Variants in GAS7 observed in about 807,000 individuals in gnomAD.
GAS7 encodes growth arrest-specific protein 7.
Under a neutral mutation model 71.1 loss-of-function variants are expected in GAS7, and 28 were observed. The ratio of observed to expected loss-of-function variants is 0.39; its 90% CI spans 0.29 to 0.54. The LOEUF (loss-of-function observed/expected upper bound fraction) is 0.54. Ranked by LOEUF, GAS7 falls within the 20% of genes least tolerant of loss-of-function variation. The pLI is 0.62. For missense variants in GAS7, 436 were observed against 627.8 expected (o/e 0.69, Z 3.27); for synonymous variants, 258 against 245.8 (o/e 1.05, Z -0.46).
At chr17:10,157,971 G>A (rs2074217494) in intron 1 of GAS7, among the ~76,000 whole-genome samples, 1 of 152,156 alleles carries the variant, frequency 6.6e-6, no homozygotes, top group Non-Finnish European at 1.5e-5. Flanking sequence ...TCGTACCACT[G>A]CGCTCCAGCC....
intron 1 of GAS7, among the ~76,000 whole-genome samples, chr17:10,136,601 GTTATCA>G (rs1355761593): frequency 6.6e-6 from 1 of 152,148 alleles, no homozygotes; most frequent in Non-Finnish European, 1.5e-5. Flanking sequence ...CATCTCCACT[GTTATCA>G]TCCCAGACTG....
At chr17:9,952,990 A>G (rs2069081774) in intron 5 of GAS7, among the ~76,000 whole-genome samples, 1 of 152,148 alleles carries the variant, frequency 6.6e-6, no homozygotes, top group African/African-American at 2.4e-5. Flanking sequence ...CAATCCCATT[A>G]CTGGGTATAT....
chr17:9,963,818 T>C, intron 4 of GAS7, among the ~76,000 whole-genome samples: 1 of 152,318 alleles, frequency 6.6e-6, no homozygotes, highest in Non-Finnish European at 1.5e-5. Context: ...ATTGAATTAA[T>C]GTTTTCTTAA....
chr17:10,094,453 ATTTCTT>A (rs908538442), intron 1 of GAS7, among the ~76,000 whole-genome samples: 16 of 152,010 alleles, frequency 1.1e-4, no homozygotes, highest in South Asian at 2.1e-4. Flanking sequence ...CTCTCTGGAT[ATTTCTT>A]TTTCTTTTTC....
chr17:9,929,047 C>A (rs148667398), intron 9 of GAS7, among the ~76,000 whole-genome samples: 2 of 152,150 alleles, frequency 1.3e-5, no homozygotes, highest in African/African-American at 4.8e-5. Context: ...CCCCACCTGG[C>A]GGCAGTTTGC....
rs754379943 is a variant in GAS7 at position 9,925,491 on chromosome 17, T to C, written c.1123A>G (p.Lys375Glu). ...CAGCACTTACCAGCCTGTGTGGACT[T>C]TCTCCGCGCCTTCTTGATGTCCTCC... ...TEEDIKKARR[K>E]STQAGDDLMR... Residue 375 changes from lysine to glutamate, a missense_variant, in exon 11 of 14, where the codon AAG (lysine) becomes GAG (glutamate). Physicochemically the swap from Lys to Glu is moderately conservative, Grantham distance 56 (BLOSUM62 1). Coordinates refer to ENST00000432992, the MANE Select transcript of GAS7 (RefSeq NM_201433.2). 1 of 1,614,180 alleles carries C rather than the reference T, an allele frequency of 6.2e-7. No individual in the cohort carries two copies. The highest frequency in any genetic ancestry group is 8.5e-7 in the Non-Finnish European group (1 of 1,180,026).
In GAS7 at chr17:9,919,782, G is replaced by A; in HGVS notation, c.1139-77C>T. Reference sequence around the variant, plus strand: ...TCTGTGCCCCACCCTGAGCCCCACAGCCAAGCCTTCTCCTCCCCCTGGGGT... The same window carrying A: ...TCTGTGCCCCACCCTGAGCCCCACAACCAAGCCTTCTCCTCCCCCTGGGGT... On this transcript the variant is annotated intron_variant, in intron 11 of 13. Transcript: ENST00000432992. The surrounding 1 kb of genome is among the most constrained non-coding windows in gnomAD (Gnocchi z 5.0). 5 of 1,082,842 alleles carry A rather than the reference G, an allele frequency of 4.6e-6. No homozygotes were observed. Among genetic ancestry groups the A allele is most frequent in the Non-Finnish European group, 7.2e-6 (5 of 699,156 alleles). The allele number at this position is 1,082,842 out of a possible 1,614,324, so 67.1% of individuals were successfully genotyped here. A position where few individuals can be genotyped will look rare whatever the true frequency, so the allele number is the denominator to read the frequency against.
Position 9,913,567 on chromosome 17 carries a change from C to T in GAS7, c.*3661G>A, listed in dbSNP as rs990080839. The T allele has an allele frequency of 4.8e-5, 11 of 231,086 alleles. No homozygotes were observed. The highest frequency in any genetic ancestry group is 8.6e-5 in the Non-Finnish European group (10 of 116,494). The allele number at this position is 231,086 out of a possible 1,614,324, so 14.3% of individuals were successfully genotyped here. ...TGGTGAATTCGTTGGTACACTGTTT[C>T]GGTGTGCCCAGCTGTTTATCAATCC... On this transcript the variant is annotated 3_prime_UTR_variant, in exon 14 of 14. Coordinates refer to ENST00000432992, the MANE Select transcript of GAS7 (RefSeq NM_201433.2).
Position 10,034,265 on chromosome 17 carries a change from T to C in GAS7, c.184-14368A>G, listed in dbSNP as rs2072692607. The stretch of plus-strand genomic sequence containing the variant: ...AAAACACGGAAGTTGGACCAGATGG[T>C]CTCCAAGGGCTTTCATATATACATA... On this transcript the variant is annotated intron_variant, in intron 1 of 13. Coordinates refer to ENST00000432992, the MANE Select transcript of GAS7 (RefSeq NM_201433.2). This position sits in a 1 kb window ranked among gnomAD's most constrained non-coding sequence, Gnocchi z 4.4. The C allele has an allele frequency of 1.0e-6, 1 of 975,610 alleles. No individual in the cohort carries two copies. Among genetic ancestry groups the C allele is most frequent in the South Asian group, 4.7e-5 (1 of 21,126 alleles). 60.4% of individuals were successfully genotyped at this position (975,610 alleles called of 1,614,324 possible). A position where few individuals can be genotyped will look rare whatever the true frequency, so the allele number is the denominator to read the frequency against.
chr17:9,939,810 A>C (rs2068534339), intron 8 of GAS7, among the ~76,000 whole-genome samples: 1 of 152,052 alleles, frequency 6.6e-6, no homozygotes, highest in Admixed American at 6.5e-5. Context: ...GGGTTTCACT[A>C]TGTGGGCCAG....
At chr17:9,939,770 C>T (rs555886357) in intron 8 of GAS7, among the ~76,000 whole-genome samples, 21 of 152,262 alleles carry the variant, frequency 1.4e-4, no homozygotes, top group Non-Finnish European at 1.2e-4. Flanking sequence ...TCACCATGCC[C>T]GGCTAATTCT....
rs532746608 is a variant in GAS7 at position 10,181,232 on chromosome 17, T to C, written c.183+16976A>G. Reference sequence around the variant, plus strand: ...AAAATTAGCTGGGCGTGGTGGTGCATGCCTGTAATCCCAGCTACTCGGGAG... The same window carrying C: ...AAAATTAGCTGGGCGTGGTGGTGCACGCCTGTAATCCCAGCTACTCGGGAG... On this transcript the variant is annotated intron_variant, in intron 1 of 13. Coordinates refer to ENST00000432992, the MANE Select transcript of GAS7 (RefSeq NM_201433.2). Among the ~76,000 whole-genome samples, 16 of 146,204 alleles carry C rather than the reference T, an allele frequency of 1.1e-4. 1 individual carries two copies. Among genetic ancestry groups the C allele is most frequent in the African/African-American group, 1.8e-4 (7 of 39,712 alleles).
At chr17:10,074,087 G>A (rs944274473) in intron 1 of GAS7, among the ~76,000 whole-genome samples, 6 of 152,316 alleles carry the variant, frequency 3.9e-5, no homozygotes, top group Middle Eastern at 3.4e-3. Flanking sequence ...AGGCAGCCAC[G>A]CAGCAGTGTG....
chr17:10,088,814 G>T (rs928724307), intron 1 of GAS7, among the ~76,000 whole-genome samples: 1 of 152,076 alleles, frequency 6.6e-6, no homozygotes, highest in Non-Finnish European at 1.5e-5. Flanking sequence ...TAGGAGGAGA[G>T]GGGGGTTCAA....
chr17:10,147,247 G>A (rs769732906), intron 1 of GAS7, among the ~76,000 whole-genome samples: 9 of 152,128 alleles, frequency 5.9e-5, no homozygotes, highest in Admixed American at 1.3e-4. Flanking sequence ...ATATTCCACT[G>A]TGTGCCTGGT....
intron 5 of GAS7, among the ~76,000 whole-genome samples, chr17:9,954,809 C>A (rs895601594): frequency 2.0e-5 from 3 of 152,202 alleles, no homozygotes; most frequent in South Asian, 2.1e-4. Flanking sequence ...GGCTGAGAAA[C>A]CCTGAGTTGA....
Position 10,069,966 on chromosome 17 carries a change from C to T in GAS7, c.184-50069G>A, listed in dbSNP as rs75856552. 4.4e-3 allele frequency among the ~76,000 whole-genome samples: 677 copies of T among 152,304 alleles called. 4 individuals carry two copies. Among genetic ancestry groups the T allele is most frequent in the African/African-American group, 0.015 (636 of 41,558 alleles). ...ACCCGGCACCTCCCAAAACTTTCTC[C>T]TCAATGTAATCAGAAGCAAGGAGAG... is the stretch of plus-strand genomic sequence containing the variant. On this transcript the variant is annotated intron_variant, in intron 1 of 13. Transcript: ENST00000432992.
Position 9,914,067 on chromosome 17 carries a change from ATT to A in GAS7, c.*3159_*3160del. ...TTGCCTCTCCAAAGTGCAGTCTTTT[ATT>A]TTCTCAGTTGCATCCTAACCTTGAT... is the stretch of plus-strand genomic sequence containing the variant. On this transcript the variant is annotated 3_prime_UTR_variant, in exon 14 of 14. Coordinates refer to ENST00000432992, the MANE Select transcript of GAS7 (RefSeq NM_201433.2). The A allele has an allele frequency of 4.4e-6, 1 of 228,536 alleles. No individual in the cohort carries two copies. The highest frequency in any genetic ancestry group is 8.7e-6 in the Non-Finnish European group (1 of 115,192). 14.2% of individuals were successfully genotyped at this position (228,536 alleles called of 1,614,324 possible).
At chr17:9,988,123 C>A (rs2070709555) in intron 2 of GAS7, among the ~76,000 whole-genome samples, 1 of 152,238 alleles carries the variant, frequency 6.6e-6, no homozygotes, top group African/African-American at 2.4e-5. Context: ...ACTCACCCTT[C>A]TGTGCTACTT....
Sources: gnomAD v4.1 joint callset for allele counts (sites outside exome capture counted in the v4.1 genomes callset) on GRCh38, gnomAD v4.1.1 for gene constraint, Gnocchi (gnomAD v3.1) non-coding constraint, MANE v1.5 for transcripts, NCBI Gene and HGNC (gene_info 2026-07-23, HGNC 2026-07-21) for gene names.